NPAS3: variants seen among roughly 807,000 people sequenced by gnomAD.
NPAS3 encodes the protein neuronal PAS domain protein 3, also known as neuronal PAS domain-containing protein 3.
Under a neutral mutation model 73.1 loss-of-function variants are expected in NPAS3, and 14 were observed. The ratio of observed to expected loss-of-function variants is 0.19; its 90% CI spans 0.13 to 0.30. The LOEUF (loss-of-function observed/expected upper bound fraction) is 0.30. Ranked by LOEUF, NPAS3 falls within the 10% of genes least tolerant of loss-of-function variation. The pLI, the probability that NPAS3 is intolerant of heterozygous loss-of-function variation, is 1.00. For synonymous variants in NPAS3, 620 were observed against 541.5 expected (o/e 1.14, Z -2.01); for missense variants, 1,096 against 1,250.0 (o/e 0.88, Z 1.86).
chr14:33,470,145 C>T lies in NPAS3; in HGVS notation c.469-89976C>T, dbSNP rs2050717971. Among the ~76,000 whole-genome samples, 3 of 152,250 alleles carry T rather than the reference C, an allele frequency of 2.0e-5. No individual in the cohort carries two copies. The South Asian group carries it at 6.2e-4, about 32-fold the overall frequency. Reference sequence around the variant, plus strand: ...ACTTCCAAGAGTCAAGGTCCTAAGACAAAGAAAGCCAGGTGCAGTAACCTA... The same window carrying T: ...ACTTCCAAGAGTCAAGGTCCTAAGATAAAGAAAGCCAGGTGCAGTAACCTA... On this transcript the variant is annotated intron_variant, in intron 4 of 11. Coordinates refer to ENST00000356141, the Ensembl canonical transcript of NPAS3.
At position 33,800,147 on chromosome 14, in the gene NPAS3, C is replaced by T; in HGVS notation, c.1840C>T (p.Arg614Cys). The change falls in exon 12 of 12, where the codon CGC (arginine) becomes TGC (cysteine). Residue 614 changes from arginine (R) to cysteine (C), a missense_variant. By Grantham distance (180) the Arg-to-Cys change is radical. This residue lies in a region of NPAS3 where 698 missense variants were observed against 676.7 expected (regional missense o/e 1.03). Transcript: ENST00000356141. This position sits in a 1 kb window ranked among gnomAD's most constrained non-coding sequence, Gnocchi z 6.5. ...ACGGCAAAAGGGCGGCAGCGCCAGC[C>T]GCCGGCGCCTGTCCAGCGCGTCGAG... is the stretch of plus-strand genomic sequence containing the variant. The T allele has an allele frequency of 2.5e-6, 4 of 1,593,776 alleles. No homozygotes were observed. The highest frequency in any genetic ancestry group is 3.4e-6 in the Non-Finnish European group (4 of 1,171,288).
chr14:33,084,696 A>G (rs908525254), intron 2 of NPAS3, among the ~76,000 whole-genome samples: 9 of 152,260 alleles, frequency 5.9e-5, no homozygotes, highest in African/African-American at 2.2e-4. Flanking sequence ...GGCAGGAAAG[A>G]GGGGAGACCC....
intron 4 of NPAS3, among the ~76,000 whole-genome samples, chr14:33,468,220 A>G (rs541507587): frequency 6.6e-6 from 1 of 152,220 alleles, no homozygotes; most frequent in Non-Finnish European, 1.5e-5. Flanking sequence ...TTAAAGCCCT[A>G]GGGAAGGCCA....
intron 4 of NPAS3, among the ~76,000 whole-genome samples, chr14:33,469,167 G>A (rs1217430919): frequency 2.0e-5 from 3 of 152,030 alleles, no homozygotes; most frequent in African/African-American, 7.2e-5. Flanking sequence ...CAAGGGATGA[G>A]GACAAAACAA....
intron 4 of NPAS3, among the ~76,000 whole-genome samples, chr14:33,437,681 TA>T (rs2049047966): frequency 6.6e-6 from 1 of 152,216 alleles, no homozygotes; most frequent in South Asian, 2.1e-4. Context: ...ACTTTGACTC[TA>T]ACTATTGAGT....
rs182760803 is a variant in NPAS3, at chr14:33,798,133, T to C, written c.1426+552T>C. Among the ~76,000 whole-genome samples the C allele has an allele frequency of 5.4e-3, 822 of 152,286 alleles. 5 individuals are homozygous for C. Among genetic ancestry groups the C allele is most frequent in the African/African-American group, 0.019 (796 of 41,542 alleles). On this transcript the variant is annotated intron_variant, in intron 11 of 11. Coordinates refer to ENST00000356141, the Ensembl canonical transcript of NPAS3. The stretch of plus-strand genomic sequence containing the variant: ...ATTCACATTCCCACCAAGCTGGGAC[T>C]GAGCCTCTAAAGTAGGGTACTTAAT...
intron 6 of NPAS3, among the ~76,000 whole-genome samples, chr14:33,732,887 A>C (rs937719449): frequency 2.0e-5 from 3 of 148,928 alleles, no homozygotes; most frequent in Admixed American, 2.0e-4. Flanking sequence ...GTCTTCACCC[A>C]GCTGGAAGCA....
intron 5 of NPAS3, among the ~76,000 whole-genome samples, chr14:33,672,735 G>A (rs1041493554): frequency 1.3e-4 from 20 of 151,880 alleles, no homozygotes; most frequent in Non-Finnish European, 2.2e-4. Flanking sequence ...GGGTTTAGTG[G>A]GAAAAGTGGT....
chr14:33,731,867 T>C (rs1466759376), intron 6 of NPAS3, among the ~76,000 whole-genome samples: 3 of 152,224 alleles, frequency 2.0e-5, no homozygotes, highest in African/African-American at 7.2e-5. Flanking sequence ...TTTCTTTATT[T>C]AGCTTTTAGT....
intron 2 of NPAS3, among the ~76,000 whole-genome samples, chr14:33,095,081 A>C (rs188683270): frequency 2.0e-3 from 303 of 152,374 alleles, no homozygotes; most frequent in Middle Eastern, 6.8e-3. Flanking sequence ...TGAACAAGTG[A>C]CAGCAGAGTT....
At chr14:33,114,616 C>T (rs141951846) in intron 2 of NPAS3, among the ~76,000 whole-genome samples, 1 of 152,090 alleles carries the variant, frequency 6.6e-6, no homozygotes, top group South Asian at 2.1e-4. Flanking sequence ...TGAGAACAAT[C>T]CTCTCTGTCT....
chr14:32,975,816 G>T (rs963600600), intron 1 of NPAS3, among the ~76,000 whole-genome samples: 4 of 151,458 alleles, frequency 2.6e-5, no homozygotes, highest in Non-Finnish European at 4.4e-5. Context: ...CCTCTTAAAG[G>T]TAATTTTCTT....
chr14:33,652,171 T>C (rs920025601), intron 5 of NPAS3, among the ~76,000 whole-genome samples: 3 of 152,198 alleles, frequency 2.0e-5, no homozygotes, highest in African/African-American at 7.2e-5. Flanking sequence ...TGAATATTTG[T>C]ATGTATTCTC....
intron 4 of NPAS3, among the ~76,000 whole-genome samples, chr14:33,442,621 C>T (rs1298918042): frequency 6.6e-6 from 1 of 152,198 alleles, no homozygotes; most frequent in Non-Finnish European, 1.5e-5. Flanking sequence ...CTTCACTTGG[C>T]TCTGTCTTCT....
At chr14:33,803,006 C>T (rs999216760), downstream of NPAS3, 6 of 152,134 alleles carry the variant, frequency 3.9e-5, no homozygotes, top group South Asian at 2.1e-4. Context: ...TTTCCCACAA[C>T]GGAATTCTGG....
At chr14:32,971,495 A>T (rs2037423009) in intron 1 of NPAS3, among the ~76,000 whole-genome samples, 1 of 152,234 alleles carries the variant, frequency 6.6e-6, no homozygotes, top group African/African-American at 2.4e-5. Flanking sequence ...ACTGTAAATT[A>T]TAAGTCATTT....
intron 4 of NPAS3, among the ~76,000 whole-genome samples, chr14:33,551,766 A>T (rs1002125650): frequency 2.6e-5 from 4 of 152,122 alleles, no homozygotes; most frequent in African/African-American, 9.7e-5. Flanking sequence ...TCCCCTGTCC[A>T]CTTCTGGGCT....
intron 3 of NPAS3, among the ~76,000 whole-genome samples, chr14:33,316,697 G>T (rs1374398504): frequency 1.3e-5 from 2 of 152,048 alleles, no homozygotes; most frequent in Non-Finnish European, 2.9e-5. Flanking sequence ...GAAAAAAGTT[G>T]CAGGCCCTCT....
intron 9 of NPAS3, among the ~76,000 whole-genome samples, chr14:33,780,079 C>T (rs986478517): frequency 2.0e-5 from 3 of 152,172 alleles, no homozygotes; most frequent in Non-Finnish European, 2.9e-5. Context: ...TTTAACCCTG[C>T]GTTAGCAACA....
Sources: gnomAD v4.1 joint callset for allele counts (sites outside exome capture counted in the v4.1 genomes callset) on GRCh38, gnomAD v4.1.1 for gene constraint, gnomAD v4.1.1 regional missense constraint, Gnocchi (gnomAD v3.1) non-coding constraint, MANE v1.5 for transcripts, NCBI Gene and HGNC (gene_info 2026-07-23, HGNC 2026-07-21) for gene names.